CAST: variants seen among roughly 807,000 people sequenced by gnomAD.
The protein encoded by CAST is calpastatin.
CAST carries 76 observed loss-of-function variants against 119.6 expected under a neutral mutation model. The observed-to-expected ratio is 0.64, with a 90% CI of 0.53 to 0.77. The LOEUF (loss-of-function observed/expected upper bound fraction) is 0.77. Ranked by LOEUF, CAST falls within the 30% of genes least tolerant of loss-of-function variation. The probability of loss-of-function intolerance (pLI) is 0.00; values close to 1 mark genes in which losing one functional copy is unlikely to be tolerated. For synonymous variants in CAST, 319 were observed against 331.6 expected, an observed-to-expected ratio of 0.96 and a Z score of 0.41; for missense variants, 953 against 946.5, an observed-to-expected ratio of 1.01 and a Z score of -0.09.
chr5:96,077,499 G>A, the CAST span, among the ~76,000 whole-genome samples: 42 of 152,106 alleles, frequency 2.8e-4, no homozygotes, highest in Admixed American at 7.9e-4. Flanking sequence ...CTGTGGTATC[G>A]TCTGGATATT....
At chr5:96,519,609 C>T in the CAST span, among the ~76,000 whole-genome samples, 1 of 152,112 alleles carries the variant, frequency 6.6e-6, no homozygotes, top group Non-Finnish European at 1.5e-5. Flanking sequence ...CTAGCTCCGT[C>T]TTACTTTTTT....
intron 1 of CAST, among the ~76,000 whole-genome samples, chr5:96,609,401 C>A (rs1747318577): frequency 6.7e-6 from 1 of 150,070 alleles, no homozygotes; most frequent in Non-Finnish European, 1.5e-5. Context: ...TGAGATAAAC[C>A]ATTTAAAGCG....
chr5:96,657,843 T>A (rs1309655472), upstream of CAST, among the ~76,000 whole-genome samples: 3 of 152,194 alleles, frequency 2.0e-5, no homozygotes, highest in African/African-American at 7.2e-5. Context: ...ACACCTGTAA[T>A]CCTAGCACTT....
chr5:96,391,955 G>A, the CAST span: 1 of 152,124 alleles, frequency 6.6e-6, no homozygotes, highest in African/African-American at 2.4e-5. Flanking sequence ...TAGGATTGGA[G>A]AAGAACTTTT....
At chr5:96,062,497 C>T in the CAST span, among the ~76,000 whole-genome samples, 1 of 152,132 alleles carries the variant, frequency 6.6e-6, no homozygotes, top group African/African-American at 2.4e-5. Context: ...CCAGTCCCCA[C>T]AACTTTGGGA....
the CAST span, chr5:96,411,092 G>A: frequency 1.2e-6 from 1 of 848,682 alleles, no homozygotes; most frequent in South Asian, 1.3e-5. Context: ...CTCAGAGACA[G>A]CTATTTGGGA....
chr5:96,573,797 C>T (rs976935792), intron 1 of CAST, among the ~76,000 whole-genome samples: 8 of 152,210 alleles, frequency 5.3e-5, no homozygotes, highest in Non-Finnish European at 8.8e-5. Flanking sequence ...CTTTCTCAAA[C>T]AACCACTCTT....
chr5:96,201,192 C>A, the CAST span, among the ~76,000 whole-genome samples: 6 of 152,030 alleles, frequency 3.9e-5, no homozygotes, highest in Non-Finnish European at 7.4e-5. Context: ...TGAGATTTCA[C>A]TTTGAAGTTA....
At chr5:96,104,213 T>G in the CAST span, among the ~76,000 whole-genome samples, 2 of 152,256 alleles carry the variant, frequency 1.3e-5, no homozygotes, top group Non-Finnish European at 2.9e-5. Context: ...TAGTTTCTTT[T>G]GCGGTGCAGA....
the CAST span, among the ~76,000 whole-genome samples, chr5:96,022,611 T>C: frequency 6.6e-6 from 1 of 152,124 alleles, no homozygotes; most frequent in East Asian, 1.9e-4. Flanking sequence ...CGACATACAA[T>C]CCAATGAGGA....
intron 1 of CAST, among the ~76,000 whole-genome samples, chr5:96,557,766 G>A (rs2570464): frequency 0.51 from 77,774 of 151,878 alleles, 20,118 homozygotes; most frequent in Admixed American, 0.55. Flanking sequence ...GGAGACTTTA[G>A]CACACCACTG....
chr5:96,149,418 T>A, the CAST span, among the ~76,000 whole-genome samples: 1 of 152,210 alleles, frequency 6.6e-6, no homozygotes, highest in Non-Finnish European at 1.5e-5. Context: ...CTGTTTGTCA[T>A]GGAATGAGTC....
the CAST span, among the ~76,000 whole-genome samples, chr5:96,317,126 G>C: frequency 6.6e-6 from 1 of 152,028 alleles, no homozygotes; most frequent in Non-Finnish European, 1.5e-5. Flanking sequence ...TGACATTTCA[G>C]AAAACTACTG....
the CAST span, among the ~76,000 whole-genome samples, chr5:96,339,177 G>GA: frequency 6.6e-6 from 1 of 152,132 alleles, no homozygotes; most frequent in African/African-American, 2.4e-5. Flanking sequence ...AACTTGATTT[G>GA]AACAGCATTG....
the CAST span, among the ~76,000 whole-genome samples, chr5:96,495,121 T>C: frequency 3.4e-4 from 13 of 37,754 alleles, no homozygotes; most frequent in African/African-American, 1.3e-3. Context: ...CGAGACTGTC[T>C]CAAAAAAAAA....
the CAST span, among the ~76,000 whole-genome samples, chr5:96,297,655 C>A: frequency 3.9e-4 from 59 of 152,150 alleles, 1 homozygote; most frequent in African/African-American, 1.4e-3. Flanking sequence ...ATATCCTTTG[C>A]TAGTGACAGA....
Position 96,742,742 on chromosome 5 carries a change from A to G in CAST, c.1186A>G (p.Lys396Glu). 1 of 1,612,932 alleles carries G rather than the reference A, an allele frequency of 6.2e-7. No individual in the cohort carries two copies. Among genetic ancestry groups the G allele is most frequent in the Non-Finnish European group, 8.5e-7 (1 of 1,178,956 alleles). ...AEPELDLRSI[K>E]EVDEAKAKEE... ...ACCTGAGCTCGACCTCCGCTCAATTAAGGAAGTCGATGAGGTACTGACCTT... is the reference window on the plus strand; with the variant it reads ...ACCTGAGCTCGACCTCCGCTCAATTGAGGAAGTCGATGAGGTACTGACCTT... The change falls in exon 16 of 32, where the codon AAG (lysine) becomes GAG (glutamate). Residue 396 changes from lysine (K) to glutamate (E), a missense_variant. By Grantham distance (56) the Lys-to-Glu change is moderately conservative (BLOSUM62 1). Transcript: ENST00000675179.
the CAST span, among the ~76,000 whole-genome samples, chr5:96,358,945 C>T: frequency 1.1e-4 from 17 of 152,120 alleles, no homozygotes; most frequent in African/African-American, 3.4e-4. Context: ...GTGTTAAAGT[C>T]TCCCACTATT....
the CAST span, among the ~76,000 whole-genome samples, chr5:96,423,143 C>T: frequency 6.6e-6 from 1 of 152,120 alleles, no homozygotes; most frequent in Non-Finnish European, 1.5e-5. Flanking sequence ...CCCACTGGTA[C>T]AAAATAAATT....
Sources: allele counts gnomAD v4.1 joint callset (sites outside exome capture counted in the v4.1 genomes callset), GRCh38; gene constraint gnomAD v4.1.1; transcripts MANE v1.5; gene names NCBI Gene and HGNC (gene_info 2026-07-23, HGNC 2026-07-21).